CENPT: variants seen among roughly 807,000 people sequenced by gnomAD.
CENPT encodes the protein centromere protein T, also known as interphase centromere complex protein 22.
CENPT carries 42 observed loss-of-function variants against 59.7 expected under a neutral mutation model. The ratio of observed to expected loss-of-function variants is 0.70; its 90% CI spans 0.55 to 0.91. The LOEUF (loss-of-function observed/expected upper bound fraction) is 0.91, where lower values mean the gene tolerates loss of function less well. Among genes scored for constraint, CENPT ranks in the 40% least tolerant of loss-of-function variants. The probability of loss-of-function intolerance (pLI) is 0.00; values close to 1 mark genes in which losing one functional copy is unlikely to be tolerated. For missense variants in CENPT, 716 were observed against 713.4 expected, an observed-to-expected ratio of 1.00 and a Z score of -0.04; for synonymous variants, 295 against 289.6, an observed-to-expected ratio of 1.02 and a Z score of -0.19.
chr16:67,830,098 G>A lies in CENPT; in HGVS notation c.863-10C>T. On this transcript the variant is annotated splice_polypyrimidine_tract_variant and intron_variant, in intron 11 of 15. Transcript: ENST00000562787. ...GCTGGTTTCCCAGGGCCTGAGTGAA[G>A]GGGAGAGAATACAGGCCGGAGACGC... The A allele has an allele frequency of 6.2e-7, 1 of 1,613,392 alleles. No homozygotes were observed. The highest frequency in any genetic ancestry group is 8.5e-7 in the Non-Finnish European group (1 of 1,179,468).
intron 1 of CENPT, among the ~76,000 whole-genome samples, chr16:67,836,883 A>C (rs1355053700): frequency 1.3e-5 from 2 of 152,086 alleles, no homozygotes; most frequent in Admixed American, 6.6e-5. Context: ...CTGGGAGTAC[A>C]GGCGCCCACT....
intron 10 of CENPT, 49 bp from the exon 11 acceptor site, chr16:67,830,597 G>A: frequency 6.3e-7 from 1 of 1,596,422 alleles, no homozygotes; most frequent in Non-Finnish European, 8.6e-7. Context: ...TGGAGATCAG[G>A]GGCCAGCTGG....
intron 2 of CENPT, 91 bp from the exon 3 acceptor site, chr16:67,835,391 T>A (rs986002344): frequency 2.0e-5 from 3 of 151,956 alleles, no homozygotes; most frequent in African/African-American, 7.2e-5. Flanking sequence ...AGTCCAGGCA[T>A]GGTGGCTCAT....
chr16:67,841,010 C>CATAT lies in CENPT; in HGVS notation c.-491-5356_-491-5353dup, dbSNP rs66882634. Among the ~76,000 whole-genome samples, 499 of 109,346 alleles carry CATAT rather than the reference C, an allele frequency of 4.6e-3. 3 individuals are homozygous for CATAT. Among genetic ancestry groups the CATAT allele is most frequent in the African/African-American group, 5.1e-3 (146 of 28,356 alleles). 71.7% of individuals were successfully genotyped at this position (109,346 alleles called of 152,430 possible). On this transcript the variant is annotated intron_variant, in intron 1 of 15. Transcript: ENST00000562787. ...CCCCGTCTCTACTAAATACAAAATA[C>CATAT]ATATATATATATATATATATATATA... is the stretch of plus-strand genomic sequence containing the variant.
At chr16:67,831,513 G>T in intron 9 of CENPT, 63 bp downstream of exon 9, 1 of 1,595,514 alleles carries the variant, frequency 6.3e-7, no homozygotes. Flanking sequence ...ATCCCAGGCA[G>T]CACCTCCCTC....
chr16:67,828,242 C>T lies in CENPT; in HGVS notation c.*25G>A. 2 of 1,556,404 alleles carry T rather than the reference C, an allele frequency of 1.3e-6. No homozygotes were observed. The highest frequency in any genetic ancestry group is 1.7e-6 in the Non-Finnish European group (2 of 1,150,310). On this transcript the variant is annotated 3_prime_UTR_variant, in exon 16 of 16. Coordinates refer to ENST00000562787, the MANE Select transcript of CENPT (RefSeq NM_025082.4). ...GGGGGCAAGAGTCCCCAGGTGGGGACAGGGAAAGTGTTGAAGCCTGGCCAC... is the reference window on the plus strand; with the variant it reads ...GGGGGCAAGAGTCCCCAGGTGGGGATAGGGAAAGTGTTGAAGCCTGGCCAC...
At position 67,828,374 on chromosome 16, in the gene CENPT, C is replaced by T. The variant is rs755026781; in HGVS notation, c.1579G>A (p.Asp527Asn). Residue 527 changes from aspartate to asparagine, a missense_variant, in exon 16 of 16, where the codon GAC (aspartate) becomes AAC (asparagine). Physicochemically the swap from Asp to Asn is conservative, Grantham distance 23. Transcript: ENST00000562787. ...LLMRRQGLVT[D>N]QVSLHVLVER... Reference sequence around the variant, plus strand: ...ACTAGCACGTGCAGTGAGACTTGGTCAGTGACCAGGCCCTGCCTGCAGTGG... The same window carrying T: ...ACTAGCACGTGCAGTGAGACTTGGTTAGTGACCAGGCCCTGCCTGCAGTGG... 2.0e-5 allele frequency: 33 copies of T among 1,610,286 alleles called. No homozygotes were observed. Among genetic ancestry groups the T allele is most frequent in the Non-Finnish European group, 2.7e-5 (32 of 1,177,214 alleles).
rs116046135 is a variant in CENPT, at chr16:67,843,641, G to C, written c.-492+3760C>G. 3.9e-3 allele frequency: 3,244 copies of C among 823,976 alleles called. 30 individuals are homozygous for C. The highest frequency in any genetic ancestry group is 0.021 in the African/African-American group (1,222 of 57,556). The allele number at this position is 823,976 out of a possible 1,614,324, so 51.0% of individuals were successfully genotyped here. A position where few individuals can be genotyped will look rare whatever the true frequency, so the allele number is the denominator to read the frequency against. ...AGCTGGACTCTCTTGCTGGTGACCT[G>C]GCATCCTCAATTGTTTCCTCCTGAA... On this transcript the variant is annotated intron_variant, in intron 1 of 15. Coordinates refer to ENST00000562787, the MANE Select transcript of CENPT (RefSeq NM_025082.4). The surrounding 1 kb of genome is among the most constrained non-coding windows in gnomAD (Gnocchi z 5.7).
At chr16:67,833,671 A>G in intron 4 of CENPT, 79 bp downstream of exon 4, 1 of 840,180 alleles carries the variant, frequency 1.2e-6, no homozygotes. Context: ...CTTCGAACAG[A>G]GTCGACGCTG....
In CENPT at chr16:67,832,248, A is replaced by G; in HGVS notation, c.269T>C (p.Leu90Pro). ...HLEEQTPRTL[L>P]KNILLTAPES... Reference sequence around the variant, plus strand: ...CTTACCAGTTAGTAGGATGTTCTTCAGCAGCGTCCGAGGTGTCTGTTCCTC... The same window carrying G: ...CTTACCAGTTAGTAGGATGTTCTTCGGCAGCGTCCGAGGTGTCTGTTCCTC... The change falls in exon 6 of 16, where the codon CTG (leucine) becomes CCG (proline). Residue 90 changes from leucine to proline, a missense_variant. Leu to Pro is a moderately conservative substitution (Grantham distance 98, BLOSUM62 -3). Coordinates refer to ENST00000562787, the MANE Select transcript of CENPT (RefSeq NM_025082.4). 6.2e-7 allele frequency: 1 copy of G among 1,614,216 alleles called. No individual in the cohort carries two copies. Among genetic ancestry groups the G allele is most frequent in the Non-Finnish European group, 8.5e-7 (1 of 1,180,024 alleles).
intron 1 of CENPT, among the ~76,000 whole-genome samples, chr16:67,846,394 C>T (rs951299633): frequency 6.6e-6 from 1 of 152,264 alleles, no homozygotes; most frequent in Non-Finnish European, 1.5e-5. Context: ...GCTTTGGGCC[C>T]GACTCGCCGA....
rs1250592781 is a variant in CENPT, at chr16:67,842,655, G to A, written c.-492+4746C>T. On this transcript the variant is annotated intron_variant, in intron 1 of 15. Coordinates refer to ENST00000562787, the MANE Select transcript of CENPT (RefSeq NM_025082.4). This position sits in a 1 kb window ranked among gnomAD's most constrained non-coding sequence, Gnocchi z 4.9. ...TTTCCAAAGGACGCTGAGTTGCGGC[G>A]CCTCTGGCTCAAGAACGTGTCGCGT... 3 of 1,561,966 alleles carry A rather than the reference G, an allele frequency of 1.9e-6. No homozygotes were observed. Among genetic ancestry groups the A allele is most frequent in the Admixed American group, 3.8e-5 (2 of 52,520 alleles).
rs1567374415 is a variant in CENPT at position 67,842,916 on chromosome 16, AGCAACAGCAG to A, written c.-492+4475_-492+4484del. 1 of 1,569,182 alleles carries A rather than the reference AGCAACAGCAG, an allele frequency of 6.4e-7. No homozygotes were observed. The highest frequency in any genetic ancestry group is 8.6e-7 in the Non-Finnish European group (1 of 1,159,204). On this transcript the variant is annotated intron_variant, in intron 1 of 15. Transcript: ENST00000562787. The surrounding 1 kb of genome is among the most constrained non-coding windows in gnomAD (Gnocchi z 4.9). Reference sequence around the variant, plus strand: ...CAACAGCAGCAACAGCAGCAGCAGCAGCAACAGCAGCAGCAGCAGCAGCAGCAGCAGCAGT... The same window carrying A: ...CAACAGCAGCAACAGCAGCAGCAGCACAGCAGCAGCAGCAGCAGCAGCAGT...
At chr16:67,845,640 C>T (rs911662147) in intron 1 of CENPT, among the ~76,000 whole-genome samples, 2 of 152,198 alleles carry the variant, frequency 1.3e-5, no homozygotes. Flanking sequence ...GCATTGGCTC[C>T]CTTGAGGCTC....
intron 1 of CENPT, among the ~76,000 whole-genome samples, chr16:67,839,874 C>G (rs2057751492): frequency 6.6e-6 from 1 of 152,080 alleles, no homozygotes; most frequent in African/African-American, 2.4e-5. Flanking sequence ...AACTCCATCT[C>G]AAATAAATAA....
Position 67,842,714 on chromosome 16 carries a change from CCCA to C in CENPT, c.-492+4684_-492+4686del. Reference sequence around the variant, plus strand: ...CAGTGGGTGCTTCTCCACCTTCCAGCCCACCACAGGCCACCGTCTCTGCAGCGT... The same window carrying C: ...CAGTGGGTGCTTCTCCACCTTCCAGCCCACAGGCCACCGTCTCTGCAGCGT... On this transcript the variant is annotated intron_variant, in intron 1 of 15. Coordinates refer to ENST00000562787, the MANE Select transcript of CENPT (RefSeq NM_025082.4). This position sits in a 1 kb window ranked among gnomAD's most constrained non-coding sequence, Gnocchi z 4.9. 6.2e-7 allele frequency: 1 copy of C among 1,604,236 alleles called. No individual in the cohort carries two copies. Among genetic ancestry groups the C allele is most frequent in the East Asian group, 2.3e-5 (1 of 44,204 alleles).
chr16:67,831,048 G>C, intron 10 of CENPT, 168 bp downstream of exon 10: 1 of 823,862 alleles, frequency 1.2e-6, no homozygotes, highest in South Asian at 1.5e-5. Context: ...CAAGGAAAGA[G>C]GCCCCCTGTA....
At chr16:67,828,969 C>T in intron 13 of CENPT, 126 bp from the exon 14 acceptor site, 1 of 935,966 alleles carries the variant, frequency 1.1e-6, no homozygotes, top group Non-Finnish European at 1.5e-6. Flanking sequence ...GACCAGCAGC[C>T]CTGACCACCT....
chr16:67,828,882 C>A (rs776320225), intron 13 of CENPT, 39 bp from the exon 14 acceptor site: 20 of 1,538,742 alleles, frequency 1.3e-5, no homozygotes, highest in Non-Finnish European at 1.7e-5. Context: ...GAACTTGCCT[C>A]AAGGAGGCTC....
Sources: allele counts gnomAD v4.1 joint callset (sites outside exome capture counted in the v4.1 genomes callset), GRCh38; gene constraint gnomAD v4.1.1; non-coding constraint Gnocchi (gnomAD v3.1); transcripts MANE v1.5; gene names NCBI Gene and HGNC (gene_info 2026-07-23, HGNC 2026-07-21).